Variants in ZNF385B observed in about 807,000 individuals in gnomAD.
ZNF385B encodes zinc finger protein 385B.
ZNF385B carries 23 observed loss-of-function variants against 39.2 expected under a neutral mutation model. The ratio of observed to expected loss-of-function variants is 0.59; its 90% CI spans 0.42 to 0.83. ZNF385B has a LOEUF of 0.83. Among genes scored for constraint, ZNF385B ranks in the 40% least tolerant of loss-of-function variants. The pLI, the probability that ZNF385B is intolerant of heterozygous loss-of-function variation, is 0.00. For missense variants in ZNF385B, 552 were observed against 598.9 expected (o/e 0.92, Z 0.82); for synonymous variants, 205 against 222.6 (o/e 0.92, Z 0.70).
At chr2:179,752,436 T>C (rs1463746757) in intron 3 of ZNF385B, among the ~76,000 whole-genome samples, 1 of 152,252 alleles carries the variant, frequency 6.6e-6, no homozygotes, top group African/African-American at 2.4e-5. Flanking sequence ...TTATAATCCT[T>C]TGGGTATATA....
At chr2:179,515,806 C>T (rs182172435) in intron 5 of ZNF385B, among the ~76,000 whole-genome samples, 304 of 151,866 alleles carry the variant, frequency 2.0e-3, no homozygotes, top group Middle Eastern at 0.01. Context: ...AAATTTTTTT[C>T]AGGTATTCAG....
chr2:179,470,516 C>T (rs565266517), intron 6 of ZNF385B, among the ~76,000 whole-genome samples: 11 of 152,188 alleles, frequency 7.2e-5, no homozygotes, highest in South Asian at 6.2e-4. Flanking sequence ...GAAGCAGGGT[C>T]GCTAGGGCCA....
At chr2:179,604,081 T>A (rs1463526614) in intron 3 of ZNF385B, among the ~76,000 whole-genome samples, 1 of 152,162 alleles carries the variant, frequency 6.6e-6, no homozygotes, top group Non-Finnish European at 1.5e-5. Flanking sequence ...TTATTGGAAA[T>A]GAAATCCAAG....
chr2:179,595,621 ATTC>A (rs1173449386), intron 3 of ZNF385B, among the ~76,000 whole-genome samples: 12 of 148,798 alleles, frequency 8.1e-5, no homozygotes, highest in Non-Finnish European at 1.5e-5. Context: ...CATCCCAGAT[ATTC>A]TTTTTTTTTT....
chr2:179,680,104 T>C (rs958754885), intron 3 of ZNF385B, among the ~76,000 whole-genome samples: 22 of 152,192 alleles, frequency 1.4e-4, no homozygotes, highest in African/African-American at 5.3e-4. Flanking sequence ...GCAAGATTGG[T>C]TAAACATTCC....
chr2:179,534,260 A>C (rs544090358), intron 4 of ZNF385B, among the ~76,000 whole-genome samples: 38 of 152,340 alleles, frequency 2.5e-4, no homozygotes, highest in Admixed American at 1.0e-3. Context: ...CAGCCAGCCC[A>C]AGTGATAAAT....
intron 3 of ZNF385B, among the ~76,000 whole-genome samples, chr2:179,731,581 G>A (rs2106429167): frequency 6.6e-6 from 1 of 152,270 alleles, no homozygotes; most frequent in Non-Finnish European, 1.5e-5. Flanking sequence ...ACCCATGCCA[G>A]CAATTCTGAT....
At chr2:179,706,033 G>A (rs1466736207) in intron 3 of ZNF385B, among the ~76,000 whole-genome samples, 1 of 152,186 alleles carries the variant, frequency 6.6e-6, no homozygotes, top group Admixed American at 6.5e-5. Context: ...GAAAGCAATA[G>A]GTTAACCCTA....
chr2:179,747,305 C>A (rs1702437851), intron 3 of ZNF385B, among the ~76,000 whole-genome samples: 1 of 152,092 alleles, frequency 6.6e-6, no homozygotes, highest in Non-Finnish European at 1.5e-5. Flanking sequence ...GTTAGATGCC[C>A]TTGCTTGGAG....
At chr2:179,587,523 A>G (rs958688162) in intron 3 of ZNF385B, among the ~76,000 whole-genome samples, 6 of 152,248 alleles carry the variant, frequency 3.9e-5, no homozygotes, top group Non-Finnish European at 8.8e-5. Context: ...GAATGTTTTA[A>G]TAGTTCTTGG....
intron 3 of ZNF385B, among the ~76,000 whole-genome samples, chr2:179,726,369 G>T (rs1701019728): frequency 6.6e-6 from 1 of 151,888 alleles, no homozygotes; most frequent in South Asian, 2.1e-4. Context: ...TCTGGATATT[G>T]TTTTAAAAAT....
chr2:179,528,612 A>G (rs1477234423), intron 4 of ZNF385B, among the ~76,000 whole-genome samples: 2 of 152,256 alleles, frequency 1.3e-5, no homozygotes, highest in Non-Finnish European at 2.9e-5. Flanking sequence ...TGATTTCACC[A>G]TCTCCTTCTC....
At chr2:179,611,186 A>G (rs1689257259) in intron 3 of ZNF385B, among the ~76,000 whole-genome samples, 2 of 152,244 alleles carry the variant, frequency 1.3e-5, no homozygotes, top group South Asian at 2.1e-4. Flanking sequence ...TCTGTCATAT[A>G]TGGCTTTTAT....
At chr2:179,813,548 G>C (rs775279765) in intron 1 of ZNF385B, among the ~76,000 whole-genome samples, 4 of 152,034 alleles carry the variant, frequency 2.6e-5, no homozygotes, top group Admixed American at 1.3e-4. Context: ...GTGGAAGATG[G>C]GTAAAGGATA....
chr2:179,568,492 A>C (rs1177473571), intron 3 of ZNF385B, among the ~76,000 whole-genome samples: 1 of 152,236 alleles, frequency 6.6e-6, no homozygotes, highest in African/African-American at 2.4e-5. Flanking sequence ...GCATTTTCAA[A>C]TGTGAAAATA....
chr2:179,667,542 G>C (rs1695329265), intron 3 of ZNF385B, among the ~76,000 whole-genome samples: 1 of 152,114 alleles, frequency 6.6e-6, no homozygotes, highest in African/African-American at 2.4e-5. Context: ...GACTGGACCA[G>C]GTGTGGGTCA....
At chr2:179,627,007 A>G (rs973056250) in intron 3 of ZNF385B, among the ~76,000 whole-genome samples, 1 of 152,182 alleles carries the variant, frequency 6.6e-6, no homozygotes, top group Non-Finnish European at 1.5e-5. Flanking sequence ...AGTCTAAGAT[A>G]ATACTTAATT....
chr2:179,757,777 T>A (rs954752878), intron 3 of ZNF385B, among the ~76,000 whole-genome samples: 2 of 152,126 alleles, frequency 1.3e-5, no homozygotes, highest in Non-Finnish European at 2.9e-5. Flanking sequence ...CGGGATATAA[T>A]CTCCTGGTGT....
intron 3 of ZNF385B, among the ~76,000 whole-genome samples, chr2:179,735,127 A>G (rs1168047240): frequency 6.6e-6 from 1 of 152,154 alleles, no homozygotes; most frequent in Non-Finnish European, 1.5e-5. Context: ...TTCGCAACCC[A>G]CTCATCTGAC....
Sources: gnomAD v4.1 joint callset for allele counts (sites outside exome capture counted in the v4.1 genomes callset) on GRCh38, gnomAD v4.1.1 for gene constraint, MANE v1.5 for transcripts, NCBI Gene and HGNC (gene_info 2026-07-23, HGNC 2026-07-21) for gene names.